The following RUNX1 variants were observed in gnomAD, a reference collection of about 807,000 sequenced individuals.
RUNX1 encodes the protein RUNX family transcription factor 1.
In RUNX1, 19 loss-of-function variants were observed where a neutral mutation model predicts 42.8. The ratio of observed to expected loss-of-function variants is 0.44; its 90% CI spans 0.31 to 0.65. The LOEUF (loss-of-function observed/expected upper bound fraction) is 0.65. RUNX1 is among the 30% of genes least tolerant of loss of function. The probability of loss-of-function intolerance (pLI) is 0.07; values close to 1 mark genes in which losing one functional copy is unlikely to be tolerated. For synonymous variants in RUNX1, 271 were observed against 289.4 expected (o/e 0.94, Z 0.64); for missense variants, 528 against 672.0 (o/e 0.79, Z 2.37).
intron 5 of RUNX1, among the ~76,000 whole-genome samples, chr21:34,872,367 G>A (rs1167614481): frequency 4.6e-5 from 7 of 152,120 alleles, no homozygotes; most frequent in African/African-American, 1.7e-4. Context: ...CCTGCTGTGT[G>A]TACCACCCCC....
intron 2 of RUNX1, among the ~76,000 whole-genome samples, chr21:34,915,011 G>T (rs961928383): frequency 6.6e-6 from 1 of 152,082 alleles, no homozygotes; most frequent in Non-Finnish European, 1.5e-5. Flanking sequence ...CTGGTCATTC[G>T]TGCTCAGTTT....
At chr21:34,825,375 C>T (rs1406482919) in intron 7 of RUNX1, among the ~76,000 whole-genome samples, 1 of 152,176 alleles carries the variant, frequency 6.6e-6, no homozygotes, top group African/African-American at 2.4e-5. Context: ...CTATCACTGT[C>T]AGGACCTCTG....
At chr21:35,022,818 C>A (rs1407513982) in intron 2 of RUNX1, among the ~76,000 whole-genome samples, 1 of 151,648 alleles carries the variant, frequency 6.6e-6, no homozygotes, top group African/African-American at 2.4e-5. Context: ...TTGCTTGAAC[C>A]CAGGAGGTGG....
chr21:34,855,214 C>T (rs1434014290), intron 6 of RUNX1, among the ~76,000 whole-genome samples: 2 of 152,168 alleles, frequency 1.3e-5, no homozygotes, highest in African/African-American at 4.8e-5. Context: ...ACTGCTCACT[C>T]TCCTCAACCT....
At chr21:34,841,484 C>T (rs2057234067) in intron 6 of RUNX1, among the ~76,000 whole-genome samples, 1 of 152,124 alleles carries the variant, frequency 6.6e-6, no homozygotes. Context: ...AACCATGGTC[C>T]TACAGTGGCC....
At chr21:34,826,339 A>G (rs927007230) in intron 7 of RUNX1, among the ~76,000 whole-genome samples, 2 of 151,988 alleles carry the variant, frequency 1.3e-5, no homozygotes, top group Non-Finnish European at 2.9e-5. Context: ...CCTTGGGTTA[A>G]TGCAGCAAGG....
chr21:35,043,449 G>T (rs1039293563), intron 2 of RUNX1, among the ~76,000 whole-genome samples: 2 of 152,178 alleles, frequency 1.3e-5, no homozygotes, highest in Non-Finnish European at 2.9e-5. Flanking sequence ...GGGAGTTGGA[G>T]AAAGCAATTA....
rs1217301364 is a variant in RUNX1 at position 34,931,349 on chromosome 21, TAC to T, written c.59-38388_59-38387del. Among the ~76,000 whole-genome samples the T allele has an allele frequency of 2.3e-3, 338 of 146,000 alleles. 1 individual carries two copies. The highest frequency in any genetic ancestry group is 8.2e-3 in the African/African-American group (321 of 39,302). On this transcript the variant is annotated intron_variant, in intron 2 of 8. Transcript: ENST00000675419. The stretch of plus-strand genomic sequence containing the variant: ...ATATATACACATTTATATATATATA[TAC>T]ATGTGTATATATATGTGTATATATA...
intron 2 of RUNX1, among the ~76,000 whole-genome samples, chr21:34,978,929 CACACAGAT>C (rs2058823985): frequency 7.8e-6 from 1 of 128,346 alleles, no homozygotes; most frequent in African/African-American, 3.0e-5. Flanking sequence ...ACAAAACACA[CACACAGAT>C]ACACACACAC....
rs10673190 is a variant in RUNX1, at chr21:34,978,937, TACAC to T, written c.58+69901_58+69904del. 4.8e-3 allele frequency among the ~76,000 whole-genome samples: 644 copies of T among 134,132 alleles called. 4 individuals are homozygous for T. Among genetic ancestry groups the T allele is most frequent in the East Asian group, 0.01 (47 of 4,638 alleles). 88.0% of individuals were successfully genotyped at this position (134,132 alleles called of 152,430 possible). ...TTCTCAGACAAAACACACACACAGA[TACAC>T]ACACACACACACACACACACACACA... On this transcript the variant is annotated intron_variant, in intron 2 of 8. Transcript: ENST00000675419.
chr21:35,018,348 C>T (rs974019960), intron 2 of RUNX1, among the ~76,000 whole-genome samples: 1 of 152,100 alleles, frequency 6.6e-6, no homozygotes, highest in Non-Finnish European at 1.5e-5. Context: ...TTCCAAGGCC[C>T]AGCCCCTAGT....
At chr21:34,889,484 G>C (rs1199818204) in intron 3 of RUNX1, among the ~76,000 whole-genome samples, 1 of 152,154 alleles carries the variant, frequency 6.6e-6, no homozygotes, top group Non-Finnish European at 1.5e-5. Context: ...AGTCAGGAAA[G>C]ACCCCAAGAA....
intron 2 of RUNX1, among the ~76,000 whole-genome samples, chr21:34,909,096 A>G (rs955643754): frequency 6.6e-6 from 1 of 152,086 alleles, no homozygotes; most frequent in Admixed American, 6.6e-5. Context: ...CTTGTCTAGG[A>G]TTGTACTAAA....
intron 2 of RUNX1, among the ~76,000 whole-genome samples, chr21:35,048,167 C>T (rs2059414530): frequency 6.6e-6 from 1 of 152,224 alleles, no homozygotes; most frequent in Non-Finnish European, 1.5e-5. Context: ...CAATTTGCTT[C>T]CTTTCTCTCT....
rs568766039 is a variant in RUNX1, at chr21:34,790,415, G to A, written c.*1720C>T. 4.3e-5 allele frequency: 10 copies of A among 233,670 alleles called. No homozygotes were observed. In the South Asian group the frequency reaches 1.8e-3, roughly 42 times the overall value. 14.5% of individuals were successfully genotyped at this position (233,670 alleles called of 1,614,324 possible). On this transcript the variant is annotated 3_prime_UTR_variant, in exon 9 of 9. Coordinates refer to ENST00000675419, the MANE Select transcript of RUNX1 (RefSeq NM_001754.5). ...AAATCGTTTCAACGAATTTTAAGAG[G>A]TACGTTAAATAACCACCAGATCATT... is the stretch of plus-strand genomic sequence containing the variant.
intron 2 of RUNX1, among the ~76,000 whole-genome samples, chr21:34,980,272 A>G (rs1450293137): frequency 1.3e-5 from 2 of 152,206 alleles, no homozygotes; most frequent in Admixed American, 1.3e-4. Flanking sequence ...GCAAGTACCC[A>G]GGGAAAAATC....
At chr21:34,826,038 C>T (rs1601400805) in intron 7 of RUNX1, among the ~76,000 whole-genome samples, 4 of 152,290 alleles carry the variant, frequency 2.6e-5, no homozygotes, top group East Asian at 3.9e-4. Flanking sequence ...AGAGAGAATA[C>T]ATTTCTGTTG....
chr21:34,806,406 G>A (rs932832703), intron 7 of RUNX1, among the ~76,000 whole-genome samples: 1 of 152,200 alleles, frequency 6.6e-6, no homozygotes. Flanking sequence ...ATTACATGAT[G>A]ATAATGTGGG....
chr21:34,838,364 T>C (rs1051910508), intron 6 of RUNX1, among the ~76,000 whole-genome samples: 7 of 152,344 alleles, frequency 4.6e-5, no homozygotes, highest in African/African-American at 1.4e-4. Flanking sequence ...ATGTTTCCGA[T>C]ATGGGTTTAC....
Sources: gnomAD v4.1 joint callset for allele counts (sites outside exome capture counted in the v4.1 genomes callset) on GRCh38, gnomAD v4.1.1 for gene constraint, MANE v1.5 for transcripts, NCBI Gene and HGNC (gene_info 2026-07-23, HGNC 2026-07-21) for gene names.